CACNA1H: variants seen among roughly 807,000 people sequenced by gnomAD.
The protein encoded by CACNA1H is voltage-dependent T-type calcium channel subunit alpha-1H.
A neutral mutation model predicts 192.5 loss-of-function variants in CACNA1H; 149 were observed. The ratio of observed to expected loss-of-function variants is 0.77; its 90% CI spans 0.68 to 0.89. CACNA1H has a LOEUF of 0.89. CACNA1H is among the 40% of genes least tolerant of loss of function. CACNA1H has a pLI of 0.00. For missense variants in CACNA1H, 4,257 were observed against 3,423.5 expected (o/e 1.24, Z -6.08); for synonymous variants, 2,202 against 1,475.2 (o/e 1.49, Z -11.29).
chr16:1,214,853 A>T, intron 27 of CACNA1H, 119 bp from the exon 28 acceptor site: 1 of 701,622 alleles, frequency 1.4e-6, no homozygotes, highest in Non-Finnish European at 2.5e-6. Context: ...GGAGCTACTG[A>T]GCTGACCTGG....
intron 2 of CACNA1H, among the ~76,000 whole-genome samples, chr16:1,190,790 C>T (rs1168079346): frequency 6.6e-6 from 1 of 152,230 alleles, no homozygotes; most frequent in Non-Finnish European, 1.5e-5. Context: ...GGCAGAGGAT[C>T]TACGATGGGT....
chr16:1,198,840 C>G, intron 6 of CACNA1H, 66 bp downstream of exon 6: 2 of 1,466,222 alleles, frequency 1.4e-6, no homozygotes, highest in African/African-American at 2.8e-5. Flanking sequence ...AGATAACGCA[C>G]CATGTGGCTC....
chr16:1,163,971 T>C (rs1310315937), intron 2 of CACNA1H, among the ~76,000 whole-genome samples: 1 of 152,160 alleles, frequency 6.6e-6, no homozygotes, highest in Non-Finnish European at 1.5e-5. Context: ...GGAGAGGCCG[T>C]GTCTGGCTCA....
chr16:1,180,943 C>CG lies in CACNA1H; in HGVS notation c.300-14026dup, dbSNP rs1433725396. Among the ~76,000 whole-genome samples, 1 of 152,306 alleles carries CG rather than the reference C, an allele frequency of 6.6e-6. No homozygotes were observed. Among genetic ancestry groups the CG allele is most frequent in the East Asian group, 1.9e-4 (1 of 5,166 alleles). Reference sequence around the variant, plus strand: ...GTCTTCCCGCAGGAAAGCGCCTTGGCGGGACTGCTTCCGCCAGCTTCCCGG... The same window carrying CG: ...GTCTTCCCGCAGGAAAGCGCCTTGGCGGGGACTGCTTCCGCCAGCTTCCCGG... On this transcript the variant is annotated intron_variant, in intron 2 of 34. Transcript: ENST00000348261. This position sits in a 1 kb window ranked among gnomAD's most constrained non-coding sequence, Gnocchi z 4.4.
Position 1,202,156 on chromosome 16 carries a change from CAG to C in CACNA1H, c.1709_1710del (p.Glu570ValfsTer85). On this transcript the variant is annotated frameshift_variant, in exon 9 of 35. Coordinates refer to ENST00000348261, the MANE Select transcript of CACNA1H (RefSeq NM_021098.3). LOFTEE classifies it high-confidence loss of function. The stretch of plus-strand genomic sequence containing the variant: ...TCCCCAGGCCGCGGACCCCCCGACG[CAG>C]AGTCTGTGCACAGCATCTACCATGC... 1 of 1,550,992 alleles carries C rather than the reference CAG, an allele frequency of 6.4e-7. No individual in the cohort carries two copies. Among genetic ancestry groups the C allele is most frequent in the Non-Finnish European group, 8.7e-7 (1 of 1,147,742 alleles).
intron 10 of CACNA1H, 44 bp downstream of exon 10, chr16:1,204,502 G>C: frequency 1.4e-6 from 2 of 1,460,464 alleles, no homozygotes; most frequent in South Asian, 2.7e-5. Flanking sequence ...TGTCAGGCTT[G>C]CAGGGCCTGG....
intron 2 of CACNA1H, among the ~76,000 whole-genome samples, chr16:1,185,502 C>CCCCCCG (rs1965902039): frequency 7.7e-6 from 1 of 129,978 alleles, no homozygotes; most frequent in African/African-American, 3.2e-5. Flanking sequence ...TCTGCAGAGT[C>CCCCCCG]CCCCCCCCCG....
chr16:1,206,223 T>A lies in CACNA1H; in HGVS notation c.2723T>A (p.Leu908Gln). Residue 908 changes from leucine to glutamine, a missense_variant, in exon 12 of 35, where the codon CTG becomes CAG. By Grantham distance (113) the Leu-to-Gln change is moderately radical (BLOSUM62 -2). Transcript: ENST00000348261. ...LPALRRQLVV[L>Q]VKTMDNVATF... Reference sequence around the variant, plus strand: ...GCCCTGCGGCGCCAGCTCGTGGTGCTGGTGAAGACCATGGACAACGTGGCT... The same window carrying A: ...GCCCTGCGGCGCCAGCTCGTGGTGCAGGTGAAGACCATGGACAACGTGGCT... 6.3e-7 allele frequency: 1 copy of A among 1,592,676 alleles called. No homozygotes were observed. The highest frequency in any genetic ancestry group is 8.5e-7 in the Non-Finnish European group (1 of 1,170,570).
At position 1,202,184 on chromosome 16, in the gene CACNA1H, C is replaced by T. The variant is rs553094518; in HGVS notation, c.1734C>T (p.Ala578=). 19 of 1,552,626 alleles carry T rather than the reference C, an allele frequency of 1.2e-5. No homozygotes were observed. Among genetic ancestry groups the T allele is most frequent in the African/African-American group, 8.2e-5 (6 of 73,234 alleles). The change falls in exon 9 of 35, where the codon GCC becomes GCT. Residue 578 remains alanine, a synonymous_variant. Transcript: ENST00000348261. ...DAESVHSIYH[A]DCHIEGPQER... ...AGTCTGTGCACAGCATCTACCATGC[C>T]GACTGCCACATAGAGGGGCCGCAGG...
rs1275454609 is a variant in CACNA1H, at chr16:1,218,249, C to T, written c.5485C>T (p.Leu1829=). 6.4e-7 allele frequency: 1 copy of T among 1,550,740 alleles called. No homozygotes were observed. The highest frequency in any genetic ancestry group is 1.2e-5 in the South Asian group (1 of 84,078). The part of the protein sequence containing the change: ...RECSREDKHC[L]SYLPALSPVY... ...GTGCTCCCGTGAGGACAAGCACTGCCTGAGCTACCTGCCGGCCCTGTCGCC... is the reference window on the plus strand; with the variant it reads ...GTGCTCCCGTGAGGACAAGCACTGCTTGAGCTACCTGCCGGCCCTGTCGCC... The change falls in exon 33 of 35, where the codon CTG becomes TTG. Residue 1829 remains leucine, a synonymous_variant. Transcript: ENST00000348261.
chr16:1,201,531 C>A, intron 8 of CACNA1H, 132 bp from the exon 9 acceptor site: 1 of 1,118,656 alleles, frequency 8.9e-7, no homozygotes, highest in Non-Finnish European at 1.3e-6. Context: ...CAGCAGCCTG[C>A]CCATAGCAGG....
chr16:1,183,704 C>T (rs1965702158), intron 2 of CACNA1H, among the ~76,000 whole-genome samples: 1 of 152,266 alleles, frequency 6.6e-6, no homozygotes, highest in African/African-American at 2.4e-5. Context: ...GATGTACTTT[C>T]TGTCATCTAC....
In CACNA1H at chr16:1,200,807, T is replaced by C. The variant is rs1159141569; in HGVS notation, c.1211T>C (p.Ile404Thr). The C allele has an allele frequency of 6.4e-7, 1 of 1,551,038 alleles. No individual in the cohort carries two copies. The highest frequency in any genetic ancestry group is 1.2e-5 in the South Asian group (1 of 84,076). Residue 404 changes from isoleucine to threonine, a missense_variant and splice_region_variant, in exon 8 of 35, where the codon ATC (isoleucine) becomes ACC (threonine). By Grantham distance (89) the Ile-to-Thr change is moderately conservative (BLOSUM62 -1). Transcript: ENST00000348261. ...YNFIYFILLI[I>T]VGSFFMINLC... Reference sequence around the variant, plus strand: ...TTCATCTATTTCATCCTGCTCATCATCGTGAGTGTGGGCGGCAGTGTTCGC... The same window carrying C: ...TTCATCTATTTCATCCTGCTCATCACCGTGAGTGTGGGCGGCAGTGTTCGC...
Position 1,218,508 on chromosome 16 carries a change from T to A in CACNA1H, c.5744T>A (p.Val1915Asp). The change falls in exon 33 of 35, where the codon GTT (valine) becomes GAT (aspartate). Residue 1915 changes from valine to aspartate, a missense_variant. By Grantham distance (152) the Val-to-Asp change is radical. Transcript: ENST00000348261. The stretch of plus-strand genomic sequence containing the variant: ...GGCGCCAGGGACGCCCCAAACCTGG[T>A]TGCACGCAAGGTGTCCGTGTCCAGG... The part of the protein sequence containing the change: ...SPGARDAPNL[V>D]ARKVSVSRML... 1 of 1,553,242 alleles carries A rather than the reference T, an allele frequency of 6.4e-7. No homozygotes were observed.
At chr16:1,161,346 TG>T (rs1321342577) in intron 2 of CACNA1H, among the ~76,000 whole-genome samples, 1 of 152,172 alleles carries the variant, frequency 6.6e-6, no homozygotes, top group Non-Finnish European at 1.5e-5. Flanking sequence ...CAGGCCGCCC[TG>T]TGTTCTCACC....
chr16:1,220,042 C>G lies in CACNA1H; in HGVS notation c.6110C>G (p.Pro2037Arg). 1.4e-6 allele frequency: 2 copies of G among 1,422,602 alleles called. No individual in the cohort carries two copies. The highest frequency in any genetic ancestry group is 1.8e-6 in the Non-Finnish European group (2 of 1,088,846). The allele number at this position is 1,422,602 out of a possible 1,614,324, so 88.1% of individuals were successfully genotyped here. ...KIDSPRDTLD[P>R]AEPGEKTPVR... ...GACAGCCCTAGGGACACCCTGGATC[C>G]TGCAGAGCCTGGTGAGAAAACCCCG... The change falls in exon 35 of 35, where the codon CCT becomes CGT. Residue 2037 changes from proline (P) to arginine (R), a missense_variant. Transcript: ENST00000348261.
At chr16:1,160,877 A>C (rs938804959) in intron 2 of CACNA1H, among the ~76,000 whole-genome samples, 1 of 151,782 alleles carries the variant, frequency 6.6e-6, no homozygotes, top group Non-Finnish European at 1.5e-5. Context: ...ACGCCAGAGC[A>C]CCCCATCCTC....
In CACNA1H at chr16:1,200,546, G is replaced by T. The variant is rs772246879; in HGVS notation, c.1094G>T (p.Gly365Val). ...GGTGCCATCAACTTCGACAACATCG[G>T]CTACGCCTGGATTGCCATCTTCCAG... ...HNGAINFDNI[G>V]YAWIAIFQVI... is the part of the protein sequence containing the mutation. Residue 365 changes from glycine to valine, a missense_variant, in exon 7 of 35, where the codon GGC becomes GTC. Coordinates refer to ENST00000348261, the MANE Select transcript of CACNA1H (RefSeq NM_021098.3). The T allele has an allele frequency of 1.7e-5, 27 of 1,612,060 alleles. No individual in the cohort carries two copies. Among genetic ancestry groups the T allele is most frequent in the Non-Finnish European group, 1.7e-6 (2 of 1,179,724 alleles).
intron 12 of CACNA1H, 167 bp downstream of exon 12, chr16:1,206,456 C>T (rs986061606): frequency 9.2e-6 from 6 of 649,088 alleles, no homozygotes; most frequent in Admixed American, 8.7e-5. Flanking sequence ...ACTGATTGGG[C>T]CCCTACTGTG....
Sources: allele counts gnomAD v4.1 joint callset (sites outside exome capture counted in the v4.1 genomes callset), GRCh38; gene constraint gnomAD v4.1.1; non-coding constraint Gnocchi (gnomAD v3.1); transcripts MANE v1.5; gene names NCBI Gene and HGNC (gene_info 2026-07-23, HGNC 2026-07-21).